The following UGT1A8 variants were observed in gnomAD, a reference collection of about 807,000 sequenced individuals.
UGT1A8 encodes UDP-glucuronosyltransferase 1A8.
Under a neutral mutation model 45.3 loss-of-function variants are expected in UGT1A8, and 39 were observed. That is an observed-to-expected ratio of 0.86 (90% CI 0.67 to 1.12). The LOEUF (loss-of-function observed/expected upper bound fraction) is 1.12. Ranked by LOEUF, UGT1A8 falls within the 50% of genes most tolerant of loss-of-function variation. The pLI, the probability that UGT1A8 is intolerant of heterozygous loss-of-function variation, is 0.00. For missense variants in UGT1A8, 719 were observed against 664.9 expected (o/e 1.08, Z -0.90); for synonymous variants, 275 against 249.2 (o/e 1.10, Z -0.97).
intron 1 of UGT1A8, among the ~76,000 whole-genome samples, chr2:233,647,004 G>A (rs972523790): frequency 2.0e-5 from 3 of 152,162 alleles, no homozygotes; most frequent in South Asian, 2.1e-4. Context: ...ACATGGCTGG[G>A]GAGGCCTCAC....
chr2:233,631,712 C>T (rs1483823479), intron 1 of UGT1A8, among the ~76,000 whole-genome samples: 1 of 151,570 alleles, frequency 6.6e-6, no homozygotes, highest in African/African-American at 2.4e-5. Context: ...GGTTTAAGTT[C>T]CTTGTAGATT....
Position 233,617,661 on chromosome 2 carries a change from C to T in UGT1A8, c.-47C>T, listed in dbSNP as rs982257032. 8.2e-6 allele frequency: 13 copies of T among 1,583,152 alleles called. No individual in the cohort carries two copies. Among genetic ancestry groups the T allele is most frequent in the African/African-American group, 2.7e-5 (2 of 74,278 alleles). On this transcript the variant is annotated 5_prime_UTR_variant, in exon 1 of 5. Coordinates refer to ENST00000373450, the MANE Select transcript of UGT1A8 (RefSeq NM_019076.5). Reference sequence around the variant, plus strand: ...CCTGTAGTTCTTCCGCCTACTGTATCATAGCAGCTTAGAATCCCAGCTGCT... The same window carrying T: ...CCTGTAGTTCTTCCGCCTACTGTATTATAGCAGCTTAGAATCCCAGCTGCT...
intron 1 of UGT1A8, among the ~76,000 whole-genome samples, chr2:233,622,232 T>C (rs976548976): frequency 6.6e-6 from 1 of 152,194 alleles, no homozygotes; most frequent in South Asian, 2.1e-4. Flanking sequence ...TTATAATTCT[T>C]TGGGTATATA....
chr2:233,639,086 G>T (rs972188622), intron 1 of UGT1A8, among the ~76,000 whole-genome samples: 28 of 152,046 alleles, frequency 1.8e-4, no homozygotes, highest in African/African-American at 6.3e-4. Context: ...TCACCTAGAG[G>T]CCTTTAAAGA....
rs376650980 is a variant in UGT1A8, at chr2:233,751,304, T to C, written c.856-15730T>C. ...TTCTCCCATTTGGAATGGGAATATTTACCCAATTTCTGTACCCCCATTGTG... is the reference window on the plus strand; with the variant it reads ...TTCTCCCATTTGGAATGGGAATATTCACCCAATTTCTGTACCCCCATTGTG... On this transcript the variant is annotated intron_variant, in intron 1 of 4. Transcript: ENST00000373450. Among the ~76,000 whole-genome samples, 29 of 152,116 alleles carry C rather than the reference T, an allele frequency of 1.9e-4. No individual in the cohort carries two copies. The South Asian group carries it at 2.7e-3, about 14-fold the overall frequency.
chr2:233,713,121 ATGCGGGAGGCCT>A, intron 1 of UGT1A8: 1 of 1,614,250 alleles, frequency 6.2e-7, no homozygotes, highest in South Asian at 1.1e-5. Flanking sequence ...CTGGCTCAGC[ATGCGGGAGGCCT>A]TGCGGGACCT....
chr2:233,766,390 C>T (rs11679312), intron 1 of UGT1A8, among the ~76,000 whole-genome samples: 2,966 of 152,260 alleles, frequency 0.019, 34 homozygotes, highest in Non-Finnish European at 0.031. Context: ...GTCCAGCTGT[C>T]CTTGCGTCCC....
At chr2:233,652,861 A>G (rs1250607304) in intron 1 of UGT1A8, among the ~76,000 whole-genome samples, 1 of 152,256 alleles carries the variant, frequency 6.6e-6, no homozygotes, top group Non-Finnish European at 1.5e-5. Flanking sequence ...AAAAGTTTAG[A>G]AGGAAACATT....
chr2:233,715,089 T>C (rs1480789668), intron 1 of UGT1A8, among the ~76,000 whole-genome samples: 2 of 152,174 alleles, frequency 1.3e-5, no homozygotes, highest in East Asian at 3.9e-4. Flanking sequence ...TTTCATCATA[T>C]TGGCCAGGCT....
chr2:233,655,109 G>A (rs2073828645), intron 1 of UGT1A8, among the ~76,000 whole-genome samples: 1 of 151,724 alleles, frequency 6.6e-6, no homozygotes, highest in Non-Finnish European at 1.5e-5. Context: ...AAGAAAGAAA[G>A]AAAAAGTAAA....
intron 1 of UGT1A8, among the ~76,000 whole-genome samples, chr2:233,749,903 C>T (rs1384807685): frequency 6.6e-6 from 1 of 151,914 alleles, no homozygotes; most frequent in Non-Finnish European, 1.5e-5. Flanking sequence ...CCTCCAGCCA[C>T]CTGGAACTGT....
intron 1 of UGT1A8, among the ~76,000 whole-genome samples, chr2:233,748,980 T>C (rs957360151): frequency 2.4e-4 from 36 of 151,710 alleles, no homozygotes; most frequent in African/African-American, 7.6e-4. Context: ...GATCTACTTC[T>C]TTACCAACAA....
intron 1 of UGT1A8, among the ~76,000 whole-genome samples, chr2:233,694,479 C>T (rs2075222456): frequency 6.6e-6 from 1 of 152,102 alleles, no homozygotes; most frequent in Admixed American, 6.6e-5. Flanking sequence ...TGGCCTCTGA[C>T]CTAAGACAAG....
chr2:233,767,989 T>C lies in UGT1A8; in HGVS notation c.1075+53T>C, dbSNP rs1699539176. The C allele has an allele frequency of 3.1e-6, 5 of 1,614,076 alleles. No homozygotes were observed. In the Admixed American group the frequency reaches 5.0e-5, roughly 16 times the overall value. Reference sequence around the variant, plus strand: ...TCAAACCAGGGTCAAATTAAGAAAATGGCTTAAGCACAGCTATTCTAAAGG... The same window carrying C: ...TCAAACCAGGGTCAAATTAAGAAAACGGCTTAAGCACAGCTATTCTAAAGG... On this transcript the variant is annotated intron_variant, in intron 3 of 4. Coordinates refer to ENST00000373450, the MANE Select transcript of UGT1A8 (RefSeq NM_019076.5).
At chr2:233,641,737 A>T (rs1381168548) in intron 1 of UGT1A8, among the ~76,000 whole-genome samples, 1 of 151,848 alleles carries the variant, frequency 6.6e-6, no homozygotes, top group East Asian at 1.9e-4. Context: ...GAAAGTCTTT[A>T]TTTCTCCTTC....
At chr2:233,718,658 G>A (rs3732218) in intron 1 of UGT1A8, 145,084 of 1,529,416 alleles carry the variant, frequency 0.095, 7,812 homozygotes, top group South Asian at 0.19. Flanking sequence ...ACGAAAGGCA[G>A]TTATAGATTA....
chr2:233,645,715 T>A (rs2073583208), intron 1 of UGT1A8, among the ~76,000 whole-genome samples: 1 of 152,194 alleles, frequency 6.6e-6, no homozygotes, highest in Non-Finnish European at 1.5e-5. Context: ...GTTCCCATGG[T>A]CTTAGGCAGC....
chr2:233,756,464 C>T (rs1262627096), intron 1 of UGT1A8: 3 of 151,912 alleles, frequency 2.0e-5, no homozygotes, highest in African/African-American at 7.3e-5. Context: ...TTTCAATCTG[C>T]TGTTGGCTGA....
Position 233,772,465 on chromosome 2 carries a change from C to T in UGT1A8, c.1499C>T (p.Ala500Val), listed in dbSNP as rs1575871358. ...GFLLAVVLTV[A>V]FITFKCCAYG... ...CTCTTGGCCGTCGTGCTGACAGTGG[C>T]CTTCATCACCTTTAAATGTTGTGCT... Residue 500 changes from alanine to valine, a missense_variant, in exon 5 of 5, where the codon GCC (alanine) becomes GTC (valine). Transcript: ENST00000373450. 1 of 1,614,018 alleles carries T rather than the reference C, an allele frequency of 6.2e-7. No individual in the cohort carries two copies. Among genetic ancestry groups the T allele is most frequent in the African/African-American group, 1.3e-5 (1 of 74,896 alleles).
Sources: allele counts gnomAD v4.1 joint callset (sites outside exome capture counted in the v4.1 genomes callset), GRCh38; gene constraint gnomAD v4.1.1; transcripts MANE v1.5; gene names NCBI Gene and HGNC (gene_info 2026-07-23, HGNC 2026-07-21).